The following B3GALT1 variants were observed in gnomAD, a reference collection of about 807,000 sequenced individuals.
B3GALT1 encodes beta-1,3-galactosyltransferase 1.
A neutral mutation model predicts 23.2 loss-of-function variants in B3GALT1; 10 were observed. The ratio of observed to expected loss-of-function variants is 0.43; its 90% CI spans 0.27 to 0.73. B3GALT1 has a LOEUF of 0.73. Among genes scored for constraint, B3GALT1 ranks in the 30% least tolerant of loss-of-function variants. B3GALT1 has a pLI of 0.21. For synonymous variants in B3GALT1, 156 were observed against 141.5 expected (o/e 1.10, Z -0.73); for missense variants, 299 against 405.4 (o/e 0.74, Z 2.25).
intron 3 of B3GALT1, among the ~76,000 whole-genome samples, chr2:167,704,183 CAAAA>C (rs5836157): frequency 1.8e-5 from 2 of 112,928 alleles, no homozygotes; most frequent in African/African-American, 3.5e-5. Context: ...TCAGTCTCAA[CAAAA>C]AAAAAAAAAA....
At chr2:167,528,009 A>G (rs1321555176) in intron 2 of B3GALT1, among the ~76,000 whole-genome samples, 1 of 152,234 alleles carries the variant, frequency 6.6e-6, no homozygotes, top group Non-Finnish European at 1.5e-5. Flanking sequence ...GATAAGGTTA[A>G]GTCAGATTGG....
chr2:167,572,616 A>G (rs1482512878), intron 2 of B3GALT1, among the ~76,000 whole-genome samples: 2 of 151,792 alleles, frequency 1.3e-5, no homozygotes, highest in African/African-American at 2.4e-5. Flanking sequence ...GTCTGCTTGC[A>G]TATCTGGTAC....
chr2:167,293,087 G>A lies in B3GALT1; in HGVS notation c.-758G>A, dbSNP rs1696277185. The A allele has an allele frequency of 6.6e-6, 1 of 151,092 alleles. No individual in the cohort carries two copies. The highest frequency in any genetic ancestry group is 1.5e-5 in the Non-Finnish European group (1 of 67,684). The allele number at this position is 151,092 out of a possible 1,614,324, so 9.4% of individuals were successfully genotyped here. ...GGCTAGTGCAGCTGGGCGAGCTCGC[G>A]CGGGCGCCGCCGCCGCCTCTGCTGC... On this transcript the variant is annotated 5_prime_UTR_variant, in exon 1 of 5. Coordinates refer to ENST00000392690, the MANE Select transcript of B3GALT1 (RefSeq NM_020981.4).
intron 1 of B3GALT1, among the ~76,000 whole-genome samples, chr2:167,456,578 AG>A (rs1218670564): frequency 6.6e-6 from 1 of 152,240 alleles, no homozygotes; most frequent in Non-Finnish European, 1.5e-5. Flanking sequence ...TCAGGTCCCC[AG>A]GTTATTCATA....
intron 2 of B3GALT1, among the ~76,000 whole-genome samples, chr2:167,537,251 T>C (rs1683444758): frequency 6.6e-6 from 1 of 152,054 alleles, no homozygotes; most frequent in South Asian, 2.1e-4. Flanking sequence ...ATTCATTCAC[T>C]ACCATGAAAA....
At chr2:167,496,806 C>G (rs1284860348) in intron 2 of B3GALT1, among the ~76,000 whole-genome samples, 2 of 152,136 alleles carry the variant, frequency 1.3e-5, no homozygotes, top group Non-Finnish European at 2.9e-5. Context: ...AGCCAGTTCC[C>G]TCTCTTTCTA....
intron 1 of B3GALT1, among the ~76,000 whole-genome samples, chr2:167,385,797 C>G (rs896904092): frequency 3.9e-5 from 6 of 152,184 alleles, no homozygotes; most frequent in African/African-American, 1.4e-4. Flanking sequence ...CAAAACAACC[C>G]TTTGACTACC....
chr2:167,314,889 A>G (rs1027457830), intron 1 of B3GALT1, among the ~76,000 whole-genome samples: 5 of 152,142 alleles, frequency 3.3e-5, no homozygotes, highest in Non-Finnish European at 5.9e-5. Context: ...ACTCTCTTAA[A>G]TCTACACAAA....
intron 2 of B3GALT1, among the ~76,000 whole-genome samples, chr2:167,588,275 T>C (rs1040774217): frequency 6.6e-6 from 1 of 152,212 alleles, no homozygotes; most frequent in Non-Finnish European, 1.5e-5. Flanking sequence ...ACTGATAACA[T>C]TGTGGTATAT....
intron 1 of B3GALT1, among the ~76,000 whole-genome samples, chr2:167,349,419 G>A (rs1697276597): frequency 6.6e-6 from 1 of 152,072 alleles, no homozygotes; most frequent in African/African-American, 2.4e-5. Context: ...CAAGAATAGT[G>A]ATGCTGGCAA....
At chr2:167,668,135 G>A (rs1239277030) in intron 3 of B3GALT1, among the ~76,000 whole-genome samples, 3 of 152,242 alleles carry the variant, frequency 2.0e-5, no homozygotes, top group East Asian at 1.9e-4. Context: ...TGGTGTGGAT[G>A]TCCTTTCTGT....
At chr2:167,453,780 T>C (rs75288199) in intron 1 of B3GALT1, among the ~76,000 whole-genome samples, 2,641 of 152,300 alleles carry the variant, frequency 0.017, 81 homozygotes, top group African/African-American at 0.061. Flanking sequence ...AACAAGATCA[T>C]TTTCAAATAT....
At chr2:167,657,645 G>A (rs1426778656) in intron 3 of B3GALT1, among the ~76,000 whole-genome samples, 1 of 152,058 alleles carries the variant, frequency 6.6e-6, no homozygotes, top group East Asian at 1.9e-4. Flanking sequence ...GGAACAAGTA[G>A]TATTCTGTTT....
chr2:167,460,417 G>A (rs1022970152), intron 1 of B3GALT1, among the ~76,000 whole-genome samples: 12 of 151,848 alleles, frequency 7.9e-5, no homozygotes, highest in African/African-American at 2.4e-4. Context: ...TTCATTTCAG[G>A]TGTTCTACTT....
intron 3 of B3GALT1, among the ~76,000 whole-genome samples, chr2:167,680,320 C>A (rs918273356): frequency 5.9e-5 from 9 of 151,950 alleles, no homozygotes; most frequent in African/African-American, 2.2e-4. Flanking sequence ...TAAGCTGATA[C>A]GTAAAAAGTC....
chr2:167,700,487 A>G (rs1686861387), intron 3 of B3GALT1, among the ~76,000 whole-genome samples: 1 of 152,172 alleles, frequency 6.6e-6, no homozygotes, highest in African/African-American at 2.4e-5. Context: ...TTGGGAACTG[A>G]TCTGCTTAGA....
At chr2:167,506,766 G>C (rs546099114) in intron 2 of B3GALT1, among the ~76,000 whole-genome samples, 1 of 108,370 alleles carries the variant, frequency 9.2e-6, no homozygotes, top group East Asian at 4.2e-3. Context: ...TGGCCTTCAA[G>C]TATGAGTTGG....
intron 2 of B3GALT1, among the ~76,000 whole-genome samples, chr2:167,589,209 G>A (rs965181479): frequency 2.6e-5 from 4 of 152,088 alleles, no homozygotes; most frequent in Admixed American, 6.5e-5. Context: ...GCCTCCCAAA[G>A]TGCTGGGCTA....
At chr2:167,363,716 A>G (rs1309463453) in intron 1 of B3GALT1, among the ~76,000 whole-genome samples, 1 of 152,154 alleles carries the variant, frequency 6.6e-6, no homozygotes, top group African/African-American at 2.4e-5. Context: ...TACTTTTGCC[A>G]TGTTTTCATT....
Sources: gnomAD v4.1 joint callset for allele counts (sites outside exome capture counted in the v4.1 genomes callset) on GRCh38, gnomAD v4.1.1 for gene constraint, MANE v1.5 for transcripts, NCBI Gene and HGNC (gene_info 2026-07-23, HGNC 2026-07-21) for gene names.